EYA1: variants seen among roughly 807,000 people sequenced by gnomAD.
EYA1 encodes the protein protein phosphatase EYA1.
A neutral mutation model predicts 82.0 loss-of-function variants in EYA1; 16 were observed. The observed-to-expected ratio is 0.20, with a 90% CI of 0.13 to 0.30. The LOEUF (loss-of-function observed/expected upper bound fraction) is 0.30, where lower values mean the gene tolerates loss of function less well. Ranked by LOEUF, EYA1 falls within the 10% of genes least tolerant of loss-of-function variation. The pLI is 1.00. For synonymous variants in EYA1, 261 were observed against 264.4 expected (o/e 0.99, Z 0.12); for missense variants, 633 against 730.7 (o/e 0.87, Z 1.54).
intron 2 of EYA1, among the ~76,000 whole-genome samples, chr8:71,466,892 A>C (rs1054772173): frequency 3.3e-5 from 5 of 152,146 alleles, no homozygotes; most frequent in African/African-American, 1.2e-4. Flanking sequence ...TTTGGATAAG[A>C]GTCATCTAAC....
rs890858985 is a variant in EYA1 at position 71,321,658 on chromosome 8, T to C, written c.418+76A>G. 41 of 1,548,784 alleles carry C rather than the reference T, an allele frequency of 2.6e-5. No homozygotes were observed. The Admixed American group carries it at 3.4e-4, about 13-fold the overall frequency. ...TTCTAAATTGGCCAAAGATTGGGTCTTTAAGTACCACTCAAACATGTTAAT... is the reference window on the plus strand; with the variant it reads ...TTCTAAATTGGCCAAAGATTGGGTCCTTAAGTACCACTCAAACATGTTAAT... On this transcript the variant is annotated intron_variant, in intron 6 of 17. Coordinates refer to ENST00000340726, the MANE Select transcript of EYA1 (RefSeq NM_000503.6).
chr8:71,361,718 C>A lies in EYA1; in HGVS notation c.-126G>T. 9.1e-6 allele frequency: 9 copies of A among 985,508 alleles called. No individual in the cohort carries two copies. Among genetic ancestry groups the A allele is most frequent in the Non-Finnish European group, 1.1e-5 (9 of 829,984 alleles). The allele number at this position is 985,508 out of a possible 1,614,324, so 61.0% of individuals were successfully genotyped here. On this transcript the variant is annotated 5_prime_UTR_variant, in exon 1 of 18. Coordinates refer to ENST00000340726, the MANE Select transcript of EYA1 (RefSeq NM_000503.6). ...TTTTCTGGGTTAGCAAACCTCCATT[C>A]CTGACATAGTTTTGCTCCTGGATGG...
chr8:71,388,419 TGCTCCTAAAC>T (rs1230197958), intron 2 of EYA1, among the ~76,000 whole-genome samples: 3 of 152,164 alleles, frequency 2.0e-5, no homozygotes, highest in Non-Finnish European at 2.9e-5. Flanking sequence ...GAGCACACAG[TGCTCCTAAAC>T]AGTGAGGGTG....
rs560928259 is a variant in EYA1, at chr8:71,384,696, A to C, written c.34-28185T>G. 7.4e-4 allele frequency among the ~76,000 whole-genome samples: 112 copies of C among 152,348 alleles called. 1 individual carries two copies. Among genetic ancestry groups the C allele is most frequent in the Admixed American group, 2.0e-3 (30 of 15,294 alleles). ...AGTTGTTAGAAATAAATGCAGCATG[A>C]ATCTTTTTCTACTAGTATTATTCTT... On this transcript the variant is annotated intron_variant, in intron 2 of 18. Coordinates refer to the EYA1 transcript ENST00000643681.
chr8:71,254,742 CAAAT>C (rs1283722332), intron 11 of EYA1, among the ~76,000 whole-genome samples: 1 of 152,126 alleles, frequency 6.6e-6, no homozygotes, highest in East Asian at 1.9e-4. Flanking sequence ...GCAAGAATAA[CAAAT>C]AAAAGGCGTC....
intron 6 of EYA1, among the ~76,000 whole-genome samples, chr8:71,321,339 G>C (rs188499577): frequency 1.3e-5 from 2 of 152,112 alleles, no homozygotes; most frequent in Non-Finnish European, 2.9e-5. Flanking sequence ...CTACTTGTAC[G>C]TTCCTAATCA....
chr8:71,237,634 C>T (rs927112305), intron 12 of EYA1, among the ~76,000 whole-genome samples: 17 of 152,062 alleles, frequency 1.1e-4, no homozygotes, highest in African/African-American at 4.1e-4. Context: ...TGTTAAACTT[C>T]TACGATTTAT....
At chr8:71,526,603 TTGTGG>T in intron 2 of EYA1, among the ~76,000 whole-genome samples, 2 of 152,192 alleles carry the variant, frequency 1.3e-5, no homozygotes, top group African/African-American at 4.8e-5. Flanking sequence ...CCCATGGTTG[TTGTGG>T]AAGGCTTCAG....
At position 71,234,686 on chromosome 8, in the gene EYA1, A is replaced by C. The variant is rs543726633; in HGVS notation, c.1140+9917T>G. 7.2e-5 allele frequency among the ~76,000 whole-genome samples: 11 copies of C among 152,088 alleles called. No homozygotes were observed. The South Asian group carries it at 2.3e-3, about 32-fold the overall frequency. The stretch of plus-strand genomic sequence containing the variant: ...GGCCCTATTTCTAATTGTTGGTACC[A>C]AAATGCTCAATCTTAGGCCCCCTTC... On this transcript the variant is annotated intron_variant, in intron 12 of 17. Transcript: ENST00000340726.
chr8:71,245,315 G>A (rs529086097), intron 11 of EYA1, among the ~76,000 whole-genome samples: 1 of 151,872 alleles, frequency 6.6e-6, no homozygotes, highest in African/African-American at 2.4e-5. Flanking sequence ...CAGCCTCCAT[G>A]TCCCAGGTTC....
At chr8:71,443,093 A>C (rs532312452) in intron 2 of EYA1, among the ~76,000 whole-genome samples, 26 of 152,340 alleles carry the variant, frequency 1.7e-4, no homozygotes, top group African/African-American at 6.3e-4. Flanking sequence ...ACAACAGAAG[A>C]ATGTCATGGC....
At chr8:71,304,564 A>G (rs76422238) in intron 7 of EYA1, among the ~76,000 whole-genome samples, 3,551 of 143,024 alleles carry the variant, frequency 0.025, 375 homozygotes, top group African/African-American at 0.082. Flanking sequence ...CAGAAGGACT[A>G]GGGTGTGATC....
chr8:71,378,530 C>G (rs764353674), intron 2 of EYA1, among the ~76,000 whole-genome samples: 4 of 152,154 alleles, frequency 2.6e-5, no homozygotes, highest in Non-Finnish European at 5.9e-5. Flanking sequence ...TTCTTGGGAT[C>G]TGATCAGATT....
rs544230096 is a variant in EYA1, at chr8:71,492,609, C to T, written c.33+43135G>A. The stretch of plus-strand genomic sequence containing the variant: ...CCTCCCCAGTAGCTCGGACTACAGG[C>T]GCCCACCACCACGCCTGGCTAATTT... On this transcript the variant is annotated intron_variant, in intron 2 of 18. Transcript: ENST00000643681. 1.2e-4 allele frequency among the ~76,000 whole-genome samples: 19 copies of T among 152,078 alleles called. 1 individual carries two copies. The South Asian group carries it at 2.7e-3, about 22-fold the overall frequency.
At chr8:71,258,500 T>A (rs1271944876) in intron 11 of EYA1, among the ~76,000 whole-genome samples, 1 of 152,228 alleles carries the variant, frequency 6.6e-6, no homozygotes, top group Non-Finnish European at 1.5e-5. Context: ...TACCACCTGA[T>A]ACTTCTATGG....
intron 7 of EYA1, among the ~76,000 whole-genome samples, chr8:71,310,187 C>T (rs535937240): frequency 2.0e-5 from 3 of 152,236 alleles, no homozygotes; most frequent in East Asian, 1.9e-4. Context: ...GCTCTATCTA[C>T]GAGTATTAAC....
intron 9 of EYA1, among the ~76,000 whole-genome samples, chr8:71,287,972 C>A (rs141992531): frequency 6.6e-6 from 1 of 152,168 alleles, no homozygotes; most frequent in Admixed American, 6.5e-5. Flanking sequence ...CACCAAGGAG[C>A]TAAGTGGCCT....
At chr8:71,297,578 C>T (rs577910900) in intron 9 of EYA1, among the ~76,000 whole-genome samples, 5 of 152,214 alleles carry the variant, frequency 3.3e-5, no homozygotes, top group Admixed American at 3.3e-4. Context: ...TTTTAGTTTT[C>T]AGGAAGCTTG....
chr8:71,430,761 G>A (rs1269828656), intron 2 of EYA1, among the ~76,000 whole-genome samples: 1 of 152,154 alleles, frequency 6.6e-6, no homozygotes, highest in East Asian at 1.9e-4. Flanking sequence ...AAGCCAGAGG[G>A]TAAGAATGAA....
Sources: gnomAD v4.1 joint callset for allele counts (sites outside exome capture counted in the v4.1 genomes callset) on GRCh38, gnomAD v4.1.1 for gene constraint, MANE v1.5 for transcripts, NCBI Gene and HGNC (gene_info 2026-07-23, HGNC 2026-07-21) for gene names.